The following COL6A6 variants were observed in gnomAD, a reference collection of about 807,000 sequenced individuals.
COL6A6 encodes collagen alpha-6(VI) chain.
COL6A6 carries 183 observed loss-of-function variants against 208.6 expected under a neutral mutation model. That is an observed-to-expected ratio of 0.88 (90% CI 0.78 to 0.99). COL6A6 has a LOEUF of 0.99. Ranked by LOEUF, COL6A6 falls within the 50% of genes least tolerant of loss-of-function variation. The probability of loss-of-function intolerance (pLI) is 0.00; values close to 1 mark genes in which losing one functional copy is unlikely to be tolerated. For missense variants in COL6A6, 2,816 were observed against 2,815.2 expected, an observed-to-expected ratio of 1.00 and a Z score of -0.01; for synonymous variants, 973 against 1,011.8, an observed-to-expected ratio of 0.96 and a Z score of 0.73.
chr3:130,565,056 G>C lies in COL6A6; in HGVS notation c.724G>C (p.Glu242Gln). 6.2e-7 allele frequency: 1 copy of C among 1,614,000 alleles called. No individual in the cohort carries two copies. The highest frequency in any genetic ancestry group is 8.5e-7 in the Non-Finnish European group (1 of 1,179,862). The change falls in exon 4 of 37, where the codon GAG becomes CAG. Residue 242 changes from glutamate (E) to glutamine (Q), a missense_variant. Transcript: ENST00000358511. ...FLLDMSINGS[E>Q]ENFDYLKGFL... ...ATTGGATATGTCAATCAATGGAAGT[G>C]AGGAGAACTTTGACTATCTTAAAGG...
At chr3:130,586,359 T>G in intron 10 of COL6A6, 147 bp from the exon 11 acceptor site, 2 of 625,544 alleles carry the variant, frequency 3.2e-6, no homozygotes, top group South Asian at 2.8e-5. Context: ...ACTTGTCAGG[T>G]TTACATCATG....
chr3:130,649,555 C>A lies in COL6A6; in HGVS notation c.5726C>A (p.Ala1909Glu). 6.3e-7 allele frequency: 1 copy of A among 1,584,290 alleles called. No individual in the cohort carries two copies. Among genetic ancestry groups the A allele is most frequent in the Admixed American group, 1.7e-5 (1 of 57,328 alleles). Residue 1909 changes from alanine (A) to glutamate (E), a missense_variant, in exon 33 of 37, where the codon GCA becomes GAA. Coordinates refer to ENST00000358511, the MANE Select transcript of COL6A6 (RefSeq NM_001102608.3). ...TFSNVPSVRR[A>E]FAIDDTGTFQ... ...AGCAACGTGCCCTCGGTCAGGCGCG[C>A]ATTTGCGGTATGAGGATGAAACCTT...
chr3:130,548,119 T>C (rs561150683), intron 1 of COL6A6, among the ~76,000 whole-genome samples: 1 of 152,366 alleles, frequency 6.6e-6, no homozygotes, highest in East Asian at 1.9e-4. Context: ...AATCCTAGTA[T>C]GATAATTCCA....
At chr3:130,625,744 A>C (rs908261125) in intron 24 of COL6A6, among the ~76,000 whole-genome samples, 4 of 152,194 alleles carry the variant, frequency 2.6e-5, no homozygotes, top group Non-Finnish European at 5.9e-5. Context: ...TAAAAAGAAA[A>C]AATCTGAATA....
chr3:130,529,050 G>A (rs753907717), intron 1 of COL6A6, among the ~76,000 whole-genome samples: 10 of 152,194 alleles, frequency 6.6e-5, no homozygotes, highest in Admixed American at 4.6e-4. Flanking sequence ...AGATCATGCC[G>A]CCACTGCACT....
At chr3:130,594,420 G>A in intron 18 of COL6A6, 77 bp downstream of exon 18, 1 of 1,133,208 alleles carries the variant, frequency 8.8e-7, no homozygotes, top group South Asian at 1.3e-5. Context: ...CGATTTCAAG[G>A]TACTACAATA....
At chr3:130,657,459 C>CT (rs2065823862) in intron 33 of COL6A6, among the ~76,000 whole-genome samples, 1 of 152,226 alleles carries the variant, frequency 6.6e-6, no homozygotes, top group African/African-American at 2.4e-5. Flanking sequence ...ACAGAAACAG[C>CT]TTGACTGATT....
Position 130,621,860 on chromosome 3 carries a change from C to T in COL6A6, c.4855C>T (p.Arg1619Cys), listed in dbSNP as rs200578758. ...GPGGEAGNQGRLGSQGNKGEP... is the reference protein window; with the variant it reads ...GPGGEAGNQGCLGSQGNKGEP... ...CGGAGGAGAGGCAGGGAATCAAGGC[C>T]GTTTGGGAAGCCAAGGAAATAAAGT... Residue 1619 changes from arginine (R) to cysteine (C), a missense_variant, in exon 24 of 37, where the codon CGT becomes TGT. Arg to Cys is a radical substitution (Grantham distance 180). Transcript: ENST00000358511. 6.6e-5 allele frequency: 106 copies of T among 1,613,756 alleles called. No individual in the cohort carries two copies. The highest frequency in any genetic ancestry group is 4.9e-4 in the Middle Eastern group (3 of 6,062).
At chr3:130,656,794 A>C (rs1302464748) in intron 33 of COL6A6, among the ~76,000 whole-genome samples, 1 of 152,212 alleles carries the variant, frequency 6.6e-6, no homozygotes, top group Non-Finnish European at 1.5e-5. Flanking sequence ...GTTAGCACCC[A>C]AACTCGGGAG....
intron 36 of COL6A6, among the ~76,000 whole-genome samples, chr3:130,672,966 A>G (rs2066257400): frequency 1.3e-5 from 2 of 149,252 alleles, no homozygotes; most frequent in Admixed American, 6.7e-5. Flanking sequence ...AGCCGGGATC[A>G]TGCCACTGCA....
At chr3:130,673,581 A>AT (rs1191057201) in intron 36 of COL6A6, among the ~76,000 whole-genome samples, 3 of 152,172 alleles carry the variant, frequency 2.0e-5, no homozygotes, top group Admixed American at 6.5e-5. Flanking sequence ...TGCCCTTCCC[A>AT]TATCAGTGGA....
chr3:130,673,615 G>A (rs139891759), intron 36 of COL6A6, among the ~76,000 whole-genome samples: 6 of 152,140 alleles, frequency 3.9e-5, no homozygotes, highest in Non-Finnish European at 5.9e-5. Flanking sequence ...GCATACAATC[G>A]TCACTTTGGG....
At chr3:130,543,290 TCAGA>T (rs2062417840) in intron 1 of COL6A6, among the ~76,000 whole-genome samples, 2 of 152,362 alleles carry the variant, frequency 1.3e-5, no homozygotes, top group South Asian at 2.1e-4. Context: ...TTTGATCCAC[TCAGA>T]CAAACTGTCT....
chr3:130,651,425 CAAAAAAAAAAAA>C (rs35957602), intron 33 of COL6A6, among the ~76,000 whole-genome samples: 1 of 61,038 alleles, frequency 1.6e-5, no homozygotes, highest in Non-Finnish European at 3.3e-5. Context: ...GACTCCATCT[CAAAAAAAAAAAA>C]AAAAAAAAAA....
rs1156643812 is a variant in COL6A6, at chr3:130,568,281, C to T, written c.2078C>T (p.Ala693Val). Residue 693 changes from alanine (A) to valine (V), a missense_variant, in exon 6 of 37, where the codon GCT becomes GTT. By Grantham distance (64) the Ala-to-Val change is moderately conservative. Transcript: ENST00000358511. ...SDISNAIDQM[A>V]HIGQTTLTGS... ...ATTTCAAATGCAATAGACCAAATGG[C>T]TCACATTGGACAAACCACCCTGACT... 1 of 1,613,910 alleles carries T rather than the reference C, an allele frequency of 6.2e-7. No homozygotes were observed. The highest frequency in any genetic ancestry group is 8.5e-7 in the Non-Finnish European group (1 of 1,179,904).
At chr3:130,652,938 G>A (rs541115957) in intron 33 of COL6A6, among the ~76,000 whole-genome samples, 2 of 152,316 alleles carry the variant, frequency 1.3e-5, no homozygotes, top group Admixed American at 1.3e-4. Flanking sequence ...GGACTCAGAA[G>A]CACCCGCTCT....
At chr3:130,544,067 T>C (rs1479074849) in intron 1 of COL6A6, among the ~76,000 whole-genome samples, 1 of 152,200 alleles carries the variant, frequency 6.6e-6, no homozygotes, top group Admixed American at 6.5e-5. Context: ...TAGTATATTA[T>C]TAACTATAAT....
chr3:130,536,261 G>A (rs2062222145), intron 1 of COL6A6, among the ~76,000 whole-genome samples: 1 of 152,116 alleles, frequency 6.6e-6, no homozygotes, highest in Admixed American at 6.5e-5. Flanking sequence ...CACTTTCTCT[G>A]TGAGTCCTTC....
chr3:130,591,339 T>A (rs1209135447), intron 13 of COL6A6, among the ~76,000 whole-genome samples: 1 of 152,222 alleles, frequency 6.6e-6, no homozygotes, highest in Non-Finnish European at 1.5e-5. Flanking sequence ...AGTAACCTCC[T>A]TCACTAGGGG....
Sources: allele counts gnomAD v4.1 joint callset (sites outside exome capture counted in the v4.1 genomes callset), GRCh38; gene constraint gnomAD v4.1.1; transcripts MANE v1.5; gene names NCBI Gene and HGNC (gene_info 2026-07-23, HGNC 2026-07-21).